The following NKAIN3 variants were observed in gnomAD, a reference collection of about 807,000 sequenced individuals.
NKAIN3 encodes sodium/potassium-transporting ATPase subunit beta-1-interacting protein 3.
A neutral mutation model predicts 30.2 loss-of-function variants in NKAIN3; 25 were observed. The ratio of observed to expected loss-of-function variants is 0.83; its 90% CI spans 0.60 to 1.16. The LOEUF is 1.16. NKAIN3 is among the 50% of genes most tolerant of loss of function. The pLI, the probability that NKAIN3 is intolerant of heterozygous loss-of-function variation, is 0.00. For missense variants in NKAIN3, 225 were observed against 254.1 expected (o/e 0.89, Z 0.78); for synonymous variants, 91 against 89.6 (o/e 1.02, Z -0.09).
At chr8:62,791,079 T>C (rs1586198999) in intron 4 of NKAIN3, among the ~76,000 whole-genome samples, 1 of 151,998 alleles carries the variant, frequency 6.6e-6, no homozygotes, top group Non-Finnish European at 1.5e-5. Context: ...GTCCAAGTCT[T>C]AAAACTCCTC....
At chr8:62,551,988 G>A (rs1409139177) in intron 1 of NKAIN3, among the ~76,000 whole-genome samples, 2 of 152,146 alleles carry the variant, frequency 1.3e-5, no homozygotes, top group African/African-American at 4.8e-5. Flanking sequence ...CATTAAAAAT[G>A]TGGGCCTTTC....
intron 1 of NKAIN3, among the ~76,000 whole-genome samples, chr8:62,331,221 C>T (rs1397650990): frequency 6.7e-6 from 1 of 149,524 alleles, no homozygotes; most frequent in African/African-American, 2.5e-5. Flanking sequence ...ACATTTAAAC[C>T]CTTTCTTTTC....
At chr8:62,686,334 C>A (rs1180691795) in intron 3 of NKAIN3, among the ~76,000 whole-genome samples, 1 of 152,180 alleles carries the variant, frequency 6.6e-6, no homozygotes, top group African/African-American at 2.4e-5. Flanking sequence ...CTCTCCCTGC[C>A]TATTCCTACT....
At chr8:62,283,402 A>G (rs1047028207) in intron 1 of NKAIN3, among the ~76,000 whole-genome samples, 4 of 152,178 alleles carry the variant, frequency 2.6e-5, no homozygotes, top group Non-Finnish European at 5.9e-5. Flanking sequence ...CTCAAGGGTC[A>G]TGGATAACAA....
chr8:62,857,639 G>T (rs1276489387), intron 4 of NKAIN3, among the ~76,000 whole-genome samples: 2 of 152,052 alleles, frequency 1.3e-5, no homozygotes, highest in Admixed American at 1.3e-4. Context: ...GATCTATTCT[G>T]CTATTAATAC....
chr8:62,680,952 T>G (rs937407469), intron 3 of NKAIN3, among the ~76,000 whole-genome samples: 7 of 152,238 alleles, frequency 4.6e-5, no homozygotes, highest in Non-Finnish European at 1.0e-4. Context: ...TTTTTGAGAT[T>G]TCCTTCCTAT....
intron 5 of NKAIN3, among the ~76,000 whole-genome samples, chr8:62,951,389 T>C (rs1328244319): frequency 1.3e-5 from 2 of 152,234 alleles, no homozygotes; most frequent in Non-Finnish European, 2.9e-5. Context: ...AATTAAATTA[T>C]TTAAATAATT....
intron 1 of NKAIN3, among the ~76,000 whole-genome samples, chr8:62,477,011 G>C (rs1806541780): frequency 6.6e-6 from 1 of 152,088 alleles, no homozygotes; most frequent in Non-Finnish European, 1.5e-5. Context: ...AGTCAGCTTT[G>C]ATTGAGGGAA....
At chr8:62,679,061 T>C (rs972932646) in intron 3 of NKAIN3, among the ~76,000 whole-genome samples, 2 of 152,132 alleles carry the variant, frequency 1.3e-5, no homozygotes, top group African/African-American at 4.8e-5. Flanking sequence ...AGATCCCAGA[T>C]TGGGACTGAC....
intron 5 of NKAIN3, among the ~76,000 whole-genome samples, chr8:62,920,693 G>A (rs1656538485): frequency 2.0e-5 from 3 of 152,108 alleles, no homozygotes; most frequent in African/African-American, 7.2e-5. Flanking sequence ...TATTCTATTA[G>A]TGGTTTAATT....
chr8:62,532,508 A>AATCT (rs1808519842), intron 1 of NKAIN3, among the ~76,000 whole-genome samples: 2 of 152,334 alleles, frequency 1.3e-5, no homozygotes, highest in South Asian at 4.1e-4. Context: ...CTGGGAAGCT[A>AATCT]ATCTCTTTAA....
chr8:62,407,414 T>TTC, intron 1 of NKAIN3, among the ~76,000 whole-genome samples: 1 of 21,066 alleles, frequency 4.7e-5, no homozygotes, highest in African/African-American at 2.3e-4. Flanking sequence ...TTTTTTTTTT[T>TTC]TTTTTGAGAC....
intron 4 of NKAIN3, among the ~76,000 whole-genome samples, chr8:62,761,552 A>G (rs1441341294): frequency 6.6e-6 from 1 of 152,216 alleles, no homozygotes; most frequent in African/African-American, 2.4e-5. Flanking sequence ...TGGTCAGATG[A>G]ATGGATCTCA....
chr8:62,681,828 A>T (rs1488814239), intron 3 of NKAIN3, among the ~76,000 whole-genome samples: 1 of 152,212 alleles, frequency 6.6e-6, no homozygotes, highest in Non-Finnish European at 1.5e-5. Context: ...CTTGGTCTTT[A>T]AAATTAGGAT....
intron 2 of NKAIN3, among the ~76,000 whole-genome samples, chr8:62,587,785 G>A (rs538681596): frequency 2.6e-4 from 39 of 152,072 alleles, no homozygotes; most frequent in African/African-American, 8.4e-4. Context: ...TGTCAAAAAC[G>A]TAGGAACTGA....
intron 1 of NKAIN3, among the ~76,000 whole-genome samples, chr8:62,371,967 C>T (rs1816921777): frequency 6.6e-6 from 1 of 151,856 alleles, no homozygotes. Context: ...ATCAAAATGC[C>T]ATTCCATTCC....
At chr8:62,289,573 G>A (rs1475400650) in intron 1 of NKAIN3, among the ~76,000 whole-genome samples, 1 of 152,114 alleles carries the variant, frequency 6.6e-6, no homozygotes, top group Non-Finnish European at 1.5e-5. Context: ...TATTATTTCT[G>A]GGGGCTCTAT....
chr8:62,829,289 G>A (rs1204820377), intron 4 of NKAIN3, among the ~76,000 whole-genome samples: 2 of 152,048 alleles, frequency 1.3e-5, no homozygotes, highest in Non-Finnish European at 1.5e-5. Flanking sequence ...TCTTGAATTG[G>A]GGATCCAGAA....
At position 62,968,690 on chromosome 8, in the gene NKAIN3, C is replaced by A. The variant is rs937985994; in HGVS notation, c.*3283C>A. On this transcript the variant is annotated 3_prime_UTR_variant, in exon 7 of 7. Transcript: ENST00000623646. ...CCAGTGTTTTTCCTCTTGGAGCCAC[C>A]TTAGCACTGAGTCTTGTAAACCTTG... Among the ~76,000 whole-genome samples, 1 of 152,164 alleles carries A rather than the reference C, an allele frequency of 6.6e-6. No individual in the cohort carries two copies. Among genetic ancestry groups the A allele is most frequent in the Non-Finnish European group, 1.5e-5 (1 of 68,032 alleles).
Sources: gnomAD v4.1 joint callset for allele counts (sites outside exome capture counted in the v4.1 genomes callset) on GRCh38, gnomAD v4.1.1 for gene constraint, MANE v1.5 for transcripts, NCBI Gene and HGNC (gene_info 2026-07-23, HGNC 2026-07-21) for gene names.